Variants in PCDH11X observed in about 807,000 individuals in gnomAD.
The protein encoded by PCDH11X is protocadherin 11 X-linked.
PCDH11X carries 18 observed loss-of-function variants against 53.3 expected under a neutral mutation model. That is an observed-to-expected ratio of 0.34 (90% confidence interval 0.23 to 0.50). The LOEUF is 0.50. Ranked by LOEUF, PCDH11X falls within the 20% of genes least tolerant of loss-of-function variation. The pLI is 0.98. For synonymous variants in PCDH11X, 279 were observed against 393.3 expected (o/e 0.71, Z 3.44); for missense variants, 570 against 1,032.4 (o/e 0.55, Z 6.14).
rs1477006820 is a variant in PCDH11X, at chrX:92,363,504, C to T, written c.3145-24231C>T. 2.8e-5 allele frequency among the ~76,000 whole-genome samples: 3 copies of T among 105,989 alleles called. No individual in the cohort carries two copies. The Admixed American group carries it at 3.1e-4, about 11-fold the overall frequency. The allele number at this position is 105,989 out of a possible 115,157, so 92.0% of individuals were successfully genotyped here. The stretch of plus-strand genomic sequence containing the variant: ...GATTTTTAGGTTCTGATTTTGTATC[C>T]TGCAACTCTGCTGATTTTACTTATT... On this transcript the variant is annotated intron_variant, in intron 8 of 10. Transcript: ENST00000682573.
intron 8 of PCDH11X, among the ~76,000 whole-genome samples, chrX:92,364,190 T>C (rs962942350): frequency 8.9e-6 from 1 of 111,780 alleles, no homozygotes; most frequent in Non-Finnish European, 1.9e-5. Context: ...ACAATGGCAA[T>C]ATGTTCTGAG....
In PCDH11X at chrX:92,098,142, G is replaced by A. The variant is rs372702116; in HGVS notation, c.3034-103233G>A. 5.4e-5 allele frequency among the ~76,000 whole-genome samples: 6 copies of A among 110,437 alleles called. No individual in the cohort carries two copies. In the South Asian group the frequency reaches 1.1e-3, roughly 21 times the overall value. On this transcript the variant is annotated intron_variant, in intron 6 of 10. Coordinates refer to ENST00000682573, the MANE Select transcript of PCDH11X (RefSeq NM_032968.5). ...TAGGGAAAAAAATGAGGTAGCAGAC[G>A]ATATCTTATTGATCCTAGGGATTTA...
rs746833949 is a variant in PCDH11X, at chrX:92,121,981, G to GTT, written c.3034-79375_3034-79374dup. 1.6e-3 allele frequency among the ~76,000 whole-genome samples: 113 copies of GTT among 69,433 alleles called. 1 individual carries two copies. Among genetic ancestry groups the GTT allele is most frequent in the African/African-American group, 5.8e-3 (106 of 18,432 alleles). The allele number at this position is 69,433 out of a possible 115,157, so 60.3% of individuals were successfully genotyped here. A position where few individuals can be genotyped will look rare whatever the true frequency, so the allele number is the denominator to read the frequency against. On this transcript the variant is annotated intron_variant, in intron 6 of 10. Transcript: ENST00000682573. Reference sequence around the variant, plus strand: ...AAAGAAAAAAGAAGCAGTCATTTCTGTTTTTTTTTTTTTTTTTTTTGAAAC... The same window carrying GTT: ...AAAGAAAAAAGAAGCAGTCATTTCTGTTTTTTTTTTTTTTTTTTTTTTGAAAC...
chrX:91,984,993 G>A (rs939640585), intron 6 of PCDH11X, among the ~76,000 whole-genome samples: 5 of 110,891 alleles, frequency 4.5e-5, no homozygotes, highest in Admixed American at 9.7e-5. Flanking sequence ...CTGCACACCC[G>A]CCACCACAAC....
intron 10 of PCDH11X, among the ~76,000 whole-genome samples, chrX:92,536,955 C>T (rs2074670562): frequency 9.0e-6 from 1 of 111,080 alleles, no homozygotes. Flanking sequence ...TTATGTTGAA[C>T]ATATTTTCAC....
chrX:92,366,303 G>A (rs1480212305), intron 8 of PCDH11X, among the ~76,000 whole-genome samples: 1 of 110,850 alleles, frequency 9.0e-6, no homozygotes, highest in Non-Finnish European at 1.9e-5. Context: ...TCTGATGGTA[G>A]TTTGTATTTC....
intron 6 of PCDH11X, among the ~76,000 whole-genome samples, chrX:92,152,958 G>A (rs779099052): frequency 0.015 from 1,640 of 106,284 alleles, 27 homozygotes; most frequent in African/African-American, 0.054. Flanking sequence ...GCTAATTTTT[G>A]TATTTTTAGT....
chrX:91,862,285 T>C (rs1391128808), intron 5 of PCDH11X, among the ~76,000 whole-genome samples: 6 of 107,449 alleles, frequency 5.6e-5, no homozygotes, highest in Non-Finnish European at 1.2e-4. Context: ...CTACTAGTTA[T>C]TGGCCTGTTC....
rs1213334607 is a variant in PCDH11X, at chrX:91,840,536, T to C, written c.540+4492T>C. ...CTATTTTAAGTAAACATCTTCCCCA[T>C]TGATCAAGAGCTGGACTGGATTTAT... On this transcript the variant is annotated intron_variant, in intron 5 of 10. Coordinates refer to ENST00000682573, the MANE Select transcript of PCDH11X (RefSeq NM_032968.5). Among the ~76,000 whole-genome samples the C allele has an allele frequency of 3.6e-5, 4 of 111,620 alleles. No homozygotes were observed. The East Asian group carries it at 1.1e-3, about 31-fold the overall frequency.
chrX:91,898,959 T>C (rs1223971370), intron 6 of PCDH11X, among the ~76,000 whole-genome samples: 1 of 109,263 alleles, frequency 9.2e-6, no homozygotes, highest in Non-Finnish European at 1.9e-5. Context: ...AGAACCTCAA[T>C]GAGATGACTT....
chrX:92,601,712 CTACTAA>C (rs1347639145), intron 10 of PCDH11X, among the ~76,000 whole-genome samples: 3 of 110,469 alleles, frequency 2.7e-5, no homozygotes, highest in African/African-American at 9.9e-5. Flanking sequence ...TCTAGAAAAT[CTACTAA>C]TATTCTGCAA....
intron 5 of PCDH11X, among the ~76,000 whole-genome samples, chrX:91,857,078 G>T (rs1416185817): frequency 1.8e-5 from 2 of 111,357 alleles, no homozygotes; most frequent in Non-Finnish European, 3.8e-5. Flanking sequence ...AAGAAAAATA[G>T]GGTTAATTGA....
intron 9 of PCDH11X, among the ~76,000 whole-genome samples, chrX:92,443,112 C>A (rs1325426339): frequency 9.3e-6 from 1 of 107,423 alleles, no homozygotes; most frequent in African/African-American, 3.4e-5. Context: ...GTTGCTCTGA[C>A]TGTTGTGAGA....
At chrX:91,893,780 T>A (rs1440165989) in intron 6 of PCDH11X, among the ~76,000 whole-genome samples, 1 of 111,074 alleles carries the variant, frequency 9.0e-6, no homozygotes, top group East Asian at 2.8e-4. Flanking sequence ...AATTATAACA[T>A]GGCAGAGCTA....
rs777274304 is a variant in PCDH11X at position 92,090,472 on chromosome X, C to T, written c.3034-110903C>T. The stretch of plus-strand genomic sequence containing the variant: ...ATCTTAGAAACTCTTAGGAAAATGC[C>T]AGTTTCGATTCATCAATACTCCAAC... On this transcript the variant is annotated intron_variant, in intron 6 of 10. Transcript: ENST00000682573. 4.5e-5 allele frequency among the ~76,000 whole-genome samples: 5 copies of T among 111,390 alleles called. No individual in the cohort carries two copies. The East Asian group carries it at 1.4e-3, about 32-fold the overall frequency.
At chrX:92,460,180 G>A in intron 9 of PCDH11X, 1 of 924,156 alleles carries the variant, frequency 1.1e-6, no homozygotes, top group Non-Finnish European at 1.6e-6. Context: ...GACACAGCTG[G>A]CGATGCGCCA....
intron 6 of PCDH11X, among the ~76,000 whole-genome samples, chrX:91,880,312 C>T: frequency 9.0e-6 from 1 of 111,440 alleles, no homozygotes; most frequent in Non-Finnish European, 1.9e-5. Flanking sequence ...TCTGTGTTAA[C>T]TCTTAAAAAA....
chrX:92,342,697 G>C (rs891958194), intron 8 of PCDH11X, among the ~76,000 whole-genome samples: 1 of 110,785 alleles, frequency 9.0e-6, no homozygotes, highest in African/African-American at 3.3e-5. Flanking sequence ...TATTCAAAAG[G>C]GGGGAGTGAG....
Position 91,784,743 on chromosome X carries a change from G to A in PCDH11X, c.-379+5059G>A, listed in dbSNP as rs139660508. ...TCCTCCTCTAAGTCAGCTATTCCCC[G>A]CCCCTTTCCCATGCATTAATTATCC... On this transcript the variant is annotated intron_variant, in intron 1 of 10. Transcript: ENST00000682573. Among the ~76,000 whole-genome samples the A allele has an allele frequency of 5.9e-3, 650 of 110,607 alleles. 2 individuals are homozygous for A. The highest frequency in any genetic ancestry group is 0.02 in the African/African-American group (593 of 30,344).
Sources: gnomAD v4.1 joint callset for allele counts (sites outside exome capture counted in the v4.1 genomes callset) on GRCh38, gnomAD v4.1.1 for gene constraint, MANE v1.5 for transcripts, NCBI Gene and HGNC (gene_info 2026-07-23, HGNC 2026-07-21) for gene names.